The following DLGAP5 variants were observed in gnomAD, a reference collection of about 807,000 sequenced individuals.
The protein encoded by DLGAP5 is DLG associated protein 5.
Under a neutral mutation model 99.6 loss-of-function variants are expected in DLGAP5, and 90 were observed. The observed-to-expected ratio is 0.90, with a 90% confidence interval of 0.76 to 1.08. The LOEUF (loss-of-function observed/expected upper bound fraction) is 1.08, where lower values mean the gene tolerates loss of function less well. Ranked by LOEUF, DLGAP5 falls within the 50% of genes least tolerant of loss-of-function variation. DLGAP5 has a pLI of 0.00. For missense variants in DLGAP5, 1,036 were observed against 983.5 expected, an observed-to-expected ratio of 1.05 and a Z score of -0.71; for synonymous variants, 311 against 321.3, an observed-to-expected ratio of 0.97 and a Z score of 0.34.
At chr14:55,155,046 A>T (rs926075397) in intron 14 of DLGAP5, among the ~76,000 whole-genome samples, 3 of 152,146 alleles carry the variant, frequency 2.0e-5, no homozygotes, top group Admixed American at 2.0e-4. Context: ...TTGTTGAGAC[A>T]GAGTCTTACA....
rs78817135 is a variant in DLGAP5, at chr14:55,182,074, C to T, written c.495+296G>A. Reference sequence around the variant, plus strand: ...AAGTTTATAACACCTACCCTGTGTGCTTTCCTCCCCATATGCATTTCATGC... The same window carrying T: ...AAGTTTATAACACCTACCCTGTGTGTTTTCCTCCCCATATGCATTTCATGC... On this transcript the variant is annotated intron_variant, in intron 4 of 18. Coordinates refer to ENST00000247191, the MANE Select transcript of DLGAP5 (RefSeq NM_014750.5). 2.3e-3 allele frequency among the ~76,000 whole-genome samples: 357 copies of T among 152,322 alleles called. 2 individuals carry two copies. The highest frequency in any genetic ancestry group is 8.2e-3 in the African/African-American group (343 of 41,582).
intron 7 of DLGAP5, among the ~76,000 whole-genome samples, chr14:55,177,541 CTTTT>C (rs775347897): frequency 1.4e-5 from 2 of 144,278 alleles, no homozygotes; most frequent in African/African-American, 5.0e-5. Context: ...GGAATAGAAT[CTTTT>C]TTTTTTTTTT....
At chr14:55,171,958 A>T (rs1882875405) in intron 10 of DLGAP5, among the ~76,000 whole-genome samples, 1 of 152,132 alleles carries the variant, frequency 6.6e-6, no homozygotes, top group Admixed American at 6.5e-5. Flanking sequence ...GCTAGGAGGG[A>T]ATGGCTGAGG....
intron 15 of DLGAP5, among the ~76,000 whole-genome samples, chr14:55,153,602 T>C (rs1354588154): frequency 2.0e-5 from 3 of 152,128 alleles, no homozygotes; most frequent in Non-Finnish European, 2.9e-5. Flanking sequence ...AGATATGCTC[T>C]ATTTTTCTAG....
intron 8 of DLGAP5, 87 bp from the exon 9 acceptor site, chr14:55,176,105 T>A (rs1342273721): frequency 8.3e-7 from 1 of 1,197,640 alleles, no homozygotes; most frequent in African/African-American, 1.5e-5. Context: ...CACTTGTAGA[T>A]CTGGGCTAAA....
chr14:55,171,233 C>T (rs10142150), intron 10 of DLGAP5, among the ~76,000 whole-genome samples: 4,054 of 152,204 alleles, frequency 0.027, 174 homozygotes, highest in African/African-American at 0.093. Context: ...TTAGGCTTTG[C>T]TTGCTTAAAG....
At chr14:55,148,517 G>A (rs751187140) in intron 18 of DLGAP5, 44 bp from the exon 19 acceptor site, 5 of 1,612,994 alleles carry the variant, frequency 3.1e-6, no homozygotes, top group Non-Finnish European at 4.2e-6. Flanking sequence ...TCCATCAAGA[G>A]TTTCACCAAT....
intron 13 of DLGAP5, among the ~76,000 whole-genome samples, chr14:55,161,548 T>A (rs1882434872): frequency 6.6e-6 from 1 of 150,952 alleles, no homozygotes; most frequent in Non-Finnish European, 1.5e-5. Context: ...TAGCTGGGAT[T>A]ACAGGCATGC....
At chr14:55,151,507 G>C (rs968160252) in intron 17 of DLGAP5, among the ~76,000 whole-genome samples, 188 bp downstream of exon 17, 2 of 135,832 alleles carry the variant, frequency 1.5e-5, no homozygotes, top group African/African-American at 5.6e-5. Flanking sequence ...CTGGGCAACA[G>C]AGTGAGACTC....
chr14:55,164,643 C>T (rs1396418190), intron 12 of DLGAP5, among the ~76,000 whole-genome samples: 13 of 152,022 alleles, frequency 8.6e-5, no homozygotes, highest in African/African-American at 2.4e-4. Flanking sequence ...AAAAAATGGC[C>T]GGGTGCAGTG....
intron 12 of DLGAP5, among the ~76,000 whole-genome samples, chr14:55,164,424 C>G (rs1020436994): frequency 6.6e-6 from 1 of 152,144 alleles, no homozygotes; most frequent in African/African-American, 2.4e-5. Context: ...ACAAACAGTG[C>G]TGGGAAAATT....
chr14:55,171,877 T>A (rs748968339), intron 10 of DLGAP5, among the ~76,000 whole-genome samples: 1 of 152,162 alleles, frequency 6.6e-6, no homozygotes, highest in Non-Finnish European at 1.5e-5. Context: ...AAATACTACA[T>A]AATTCTACTT....
chr14:55,185,621 T>C (rs1883410109), intron 2 of DLGAP5, among the ~76,000 whole-genome samples: 1 of 152,200 alleles, frequency 6.6e-6, no homozygotes, highest in Non-Finnish European at 1.5e-5. Context: ...GTAGCTAGGA[T>C]TACAGGCATG....
At chr14:55,176,450 C>G (rs1883064171) in intron 8 of DLGAP5, among the ~76,000 whole-genome samples, 1 of 152,106 alleles carries the variant, frequency 6.6e-6, no homozygotes, top group African/African-American at 2.4e-5. Flanking sequence ...CGTATCTGAG[C>G]TAAAGCAGTA....
intron 1 of DLGAP5, among the ~76,000 whole-genome samples, chr14:55,190,000 A>T (rs954932695): frequency 6.6e-6 from 1 of 152,196 alleles, no homozygotes; most frequent in East Asian, 1.9e-4. Flanking sequence ...GCTATCAGTC[A>T]ATCATTAGCA....
intron 15 of DLGAP5, among the ~76,000 whole-genome samples, chr14:55,152,899 T>C (rs1882067907): frequency 6.6e-6 from 1 of 152,208 alleles, no homozygotes; most frequent in Admixed American, 6.5e-5. Context: ...CAGGGTCAGG[T>C]GGCTCTACCA....
At chr14:55,169,593 G>A (rs947226390) in intron 11 of DLGAP5, 34 bp from the exon 12 acceptor site, 29 of 1,494,240 alleles carry the variant, frequency 1.9e-5, no homozygotes, top group African/African-American at 2.9e-5. Flanking sequence ...AAAATTAAAG[G>A]ACAAAACGGG....
chr14:55,152,157 C>T (rs1289048909), intron 16 of DLGAP5, among the ~76,000 whole-genome samples: 1 of 152,120 alleles, frequency 6.6e-6, no homozygotes, highest in Non-Finnish European at 1.5e-5. Flanking sequence ...TCAGCAAGTA[C>T]CTATACTCTA....
chr14:55,161,217 T>C (rs947320140), intron 13 of DLGAP5, among the ~76,000 whole-genome samples: 7 of 152,092 alleles, frequency 4.6e-5, no homozygotes, highest in African/African-American at 1.4e-4. Context: ...CAAATCTCTA[T>C]AGGACATAGC....
Sources: gnomAD v4.1 joint callset for allele counts (sites outside exome capture counted in the v4.1 genomes callset) on GRCh38, gnomAD v4.1.1 for gene constraint, MANE v1.5 for transcripts, NCBI Gene and HGNC (gene_info 2026-07-23, HGNC 2026-07-21) for gene names.